PPP2R2C: variants seen among roughly 807,000 people sequenced by gnomAD.
PPP2R2C encodes protein phosphatase 2 regulatory subunit Bgamma.
Under a neutral mutation model 45.3 loss-of-function variants are expected in PPP2R2C, and 10 were observed. The observed-to-expected ratio is 0.22, with a 90% CI of 0.14 to 0.37. The LOEUF (loss-of-function observed/expected upper bound fraction) is 0.37, where lower values mean the gene tolerates loss of function less well. Among genes scored for constraint, PPP2R2C ranks in the 10% least tolerant of loss-of-function variants. PPP2R2C has a pLI of 1.00. For synonymous variants in PPP2R2C, 257 were observed against 245.4 expected (o/e 1.05, Z -0.44); for missense variants, 308 against 619.7 (o/e 0.50, Z 5.34).
intron 1 of PPP2R2C, among the ~76,000 whole-genome samples, chr4:6,556,951 C>A (rs1725422365): frequency 6.6e-6 from 1 of 152,160 alleles, no homozygotes; most frequent in Non-Finnish European, 1.5e-5. Flanking sequence ...GTGGGCAAAA[C>A]CCACCCAAAG....
chr4:6,416,880 TC>T (rs979999633), intron 1 of PPP2R2C, among the ~76,000 whole-genome samples: 16 of 152,186 alleles, frequency 1.1e-4, no homozygotes, highest in African/African-American at 3.4e-4. Context: ...CTTCCCCCTG[TC>T]GGGGGGAGAC....
chr4:6,366,175 G>A (rs903168762), intron 5 of PPP2R2C, among the ~76,000 whole-genome samples: 3 of 152,200 alleles, frequency 2.0e-5, no homozygotes, highest in Non-Finnish European at 2.9e-5. Context: ...GGCTCTTTAT[G>A]TGAAAGATTT....
rs912256206 is a variant in PPP2R2C, at chr4:6,321,292, G to A, written c.*2010C>T. The stretch of plus-strand genomic sequence containing the variant: ...TAGCAAATATCCAAGTAATGGGTAA[G>A]GCCCTCAGAGCTGGGTTTTGGCTTT... On this transcript the variant is annotated 3_prime_UTR_variant, in exon 9 of 9. Coordinates refer to ENST00000382599, the MANE Select transcript of PPP2R2C (RefSeq NM_020416.4). The A allele has an allele frequency of 6.6e-6, 1 of 152,444 alleles. No homozygotes were observed. The highest frequency in any genetic ancestry group is 2.4e-5 in the African/African-American group (1 of 41,458). 9.4% of individuals were successfully genotyped at this position (152,444 alleles called of 1,614,324 possible). A position where few individuals can be genotyped will look rare whatever the true frequency, so the allele number is the denominator to read the frequency against.
intron 1 of PPP2R2C, among the ~76,000 whole-genome samples, chr4:6,407,764 T>G (rs560113088): frequency 3.9e-5 from 6 of 152,234 alleles, no homozygotes; most frequent in Admixed American, 3.3e-4. Context: ...CTTAAACTAT[T>G]CAAAAGTGAG....
chr4:6,414,176 C>T, intron 1 of PPP2R2C: 1 of 935,138 alleles, frequency 1.1e-6, no homozygotes, highest in Non-Finnish European at 1.5e-6. Context: ...TGCCTTTTTC[C>T]TCCTCCTGGC....
chr4:6,466,540 A>G (rs1721604192), intron 1 of PPP2R2C, among the ~76,000 whole-genome samples: 1 of 152,160 alleles, frequency 6.6e-6, no homozygotes, highest in African/African-American at 2.4e-5. Context: ...ATGGGCATTA[A>G]AAAAAGACTG....
intron 5 of PPP2R2C, among the ~76,000 whole-genome samples, chr4:6,357,488 TGCTA>T (rs1172371315): frequency 6.6e-6 from 1 of 151,918 alleles, no homozygotes; most frequent in Non-Finnish European, 1.5e-5. Context: ...CAGCCAGAGG[TGCTA>T]GCTAAACAAA....
chr4:6,467,480 A>G (rs574448507), intron 1 of PPP2R2C, among the ~76,000 whole-genome samples: 2 of 152,302 alleles, frequency 1.3e-5, no homozygotes, highest in East Asian at 3.9e-4. Context: ...GCCAGATCTC[A>G]GGCTCTCTTA....
chr4:6,387,777 T>C (rs1389687294), intron 1 of PPP2R2C, among the ~76,000 whole-genome samples: 1 of 149,872 alleles, frequency 6.7e-6, no homozygotes, highest in East Asian at 2.0e-4. Flanking sequence ...GATTGCACCA[T>C]TGCACTCCAG....
rs186004736 is a variant in PPP2R2C, at chr4:6,374,816, A to G, written c.447+1003T>C. On this transcript the variant is annotated intron_variant, in intron 4 of 8. Transcript: ENST00000382599. ...GCCTAGCGTGGAGCAGCTCCTCAGTAAACAGCTGCCTCCAGTGTGAACTGC... is the reference window on the plus strand; with the variant it reads ...GCCTAGCGTGGAGCAGCTCCTCAGTGAACAGCTGCCTCCAGTGTGAACTGC... Among the ~76,000 whole-genome samples, 344 of 152,298 alleles carry G rather than the reference A, an allele frequency of 2.3e-3. 1 individual carries two copies. The highest frequency in any genetic ancestry group is 4.0e-3 in the Non-Finnish European group (269 of 68,000).
At chr4:6,389,786 T>C (rs955676138) in intron 1 of PPP2R2C, among the ~76,000 whole-genome samples, 1 of 152,150 alleles carries the variant, frequency 6.6e-6, no homozygotes, top group Non-Finnish European at 1.5e-5. Flanking sequence ...ATCACCCCCA[T>C]TGCACAGATG....
At chr4:6,458,045 G>T (rs55922413) in intron 1 of PPP2R2C, among the ~76,000 whole-genome samples, 8 of 152,202 alleles carry the variant, frequency 5.3e-5, no homozygotes, top group Middle Eastern at 3.4e-3. Context: ...AACTCCTCTG[G>T]CTGCATATAA....
At chr4:6,504,613 T>C (rs1017491999) in intron 2 of PPP2R2C, among the ~76,000 whole-genome samples, 1 of 152,156 alleles carries the variant, frequency 6.6e-6, no homozygotes, top group African/African-American at 2.4e-5. Flanking sequence ...AACTACTAAA[T>C]AATAAATTAA....
intron 2 of PPP2R2C, among the ~76,000 whole-genome samples, chr4:6,529,415 C>G (rs910506160): frequency 6.6e-6 from 1 of 152,244 alleles, no homozygotes; most frequent in Non-Finnish European, 1.5e-5. Context: ...ATAGTCAATG[C>G]GTGCACACCA....
At chr4:6,388,716 C>T (rs1171184029) in intron 1 of PPP2R2C, among the ~76,000 whole-genome samples, 1 of 152,148 alleles carries the variant, frequency 6.6e-6, no homozygotes, top group Admixed American at 6.5e-5. Context: ...CCAAGGATTG[C>T]CAGCCACCAC....
intron 1 of PPP2R2C, among the ~76,000 whole-genome samples, chr4:6,466,553 A>G (rs1721604756): frequency 1.3e-5 from 2 of 152,122 alleles, no homozygotes; most frequent in Admixed American, 1.3e-4. Context: ...AAAGACTGGA[A>G]GGAAATACCC....
intron 2 of PPP2R2C, among the ~76,000 whole-genome samples, chr4:6,498,296 T>C (rs1260917988): frequency 1.3e-5 from 2 of 152,170 alleles, no homozygotes; most frequent in Admixed American, 1.3e-4. Context: ...GCCTATATCT[T>C]TGTGATGCAA....
intron 1 of PPP2R2C, among the ~76,000 whole-genome samples, chr4:6,451,883 C>G (rs773583636): frequency 6.6e-6 from 1 of 152,070 alleles, no homozygotes; most frequent in Middle Eastern, 3.2e-3. Context: ...GAGGGCTCCA[C>G]GGAACCCTCA....
At chr4:6,560,084 G>A (rs987793906) in intron 1 of PPP2R2C, among the ~76,000 whole-genome samples, 12 of 152,246 alleles carry the variant, frequency 7.9e-5, no homozygotes, top group Admixed American at 2.6e-4. Flanking sequence ...GCCCACCAAG[G>A]AAGAGGCATC....
Sources: allele counts gnomAD v4.1 joint callset (sites outside exome capture counted in the v4.1 genomes callset), GRCh38; gene constraint gnomAD v4.1.1; transcripts MANE v1.5; gene names NCBI Gene and HGNC (gene_info 2026-07-23, HGNC 2026-07-21).